The following CMSS1 variants were observed in gnomAD, a reference collection of about 807,000 sequenced individuals.
CMSS1 encodes the protein protein CMSS1.
CMSS1 carries 33 observed loss-of-function variants against 43.5 expected under a neutral mutation model. The observed-to-expected ratio is 0.76, with a 90% CI of 0.57 to 1.01. The LOEUF is 1.01. Among genes scored for constraint, CMSS1 ranks in the 50% least tolerant of loss-of-function variants. The pLI, the probability that CMSS1 is intolerant of heterozygous loss-of-function variation, is 0.00. For missense variants in CMSS1, 313 were observed against 326.4 expected, an observed-to-expected ratio of 0.96 and a Z score of 0.32; for synonymous variants, 115 against 117.2, an observed-to-expected ratio of 0.98 and a Z score of 0.12.
At chr3:99,904,170 C>G (rs924086501) in intron 1 of CMSS1, among the ~76,000 whole-genome samples, 3 of 152,292 alleles carry the variant, frequency 2.0e-5, no homozygotes, top group South Asian at 4.1e-4. Context: ...TATTATTGCT[C>G]TTAATGATAA....
At chr3:100,013,060 A>C (rs760820207) in intron 1 of CMSS1, among the ~76,000 whole-genome samples, 91 of 152,126 alleles carry the variant, frequency 6.0e-4, no homozygotes, top group Non-Finnish European at 4.7e-4. Flanking sequence ...TTTTGTTTGG[A>C]GAGACAGGGT....
intron 1 of CMSS1, among the ~76,000 whole-genome samples, chr3:99,910,900 G>C (rs957976858): frequency 2.0e-5 from 3 of 152,158 alleles, no homozygotes; most frequent in Non-Finnish European, 4.4e-5. Context: ...TATTCTCTAA[G>C]TAAGGTTAGC....
intron 1 of CMSS1, among the ~76,000 whole-genome samples, chr3:100,020,483 T>G (rs899232795): frequency 6.6e-6 from 1 of 152,164 alleles, no homozygotes; most frequent in Non-Finnish European, 1.5e-5. Flanking sequence ...TCATTTAGGC[T>G]CTAATCGTTT....
intron 1 of CMSS1, chr3:99,848,996 G>A (rs772525600): frequency 1.7e-5 from 27 of 1,613,988 alleles, no homozygotes; most frequent in Non-Finnish European, 2.3e-5. Flanking sequence ...GTGTGGCTTA[G>A]GACTAGATCT....
intron 1 of CMSS1, among the ~76,000 whole-genome samples, chr3:100,022,710 T>C (rs1315932008): frequency 6.6e-6 from 1 of 152,228 alleles, no homozygotes; most frequent in African/African-American, 2.4e-5. Flanking sequence ...TAAGGTTCTT[T>C]TTCTTCAGCA....
chr3:99,869,508 G>A (rs980525693), intron 1 of CMSS1, among the ~76,000 whole-genome samples: 8 of 152,180 alleles, frequency 5.3e-5, no homozygotes, highest in African/African-American at 1.7e-4. Context: ...ATTCCACAGA[G>A]TAATTCACTT....
chr3:99,999,397 G>A (rs1013606066), intron 1 of CMSS1, among the ~76,000 whole-genome samples: 1 of 152,194 alleles, frequency 6.6e-6, no homozygotes, highest in East Asian at 1.9e-4. Context: ...AATAGTAGTT[G>A]TATTTTGGAT....
intron 1 of CMSS1, among the ~76,000 whole-genome samples, chr3:99,935,157 T>C (rs1246161521): frequency 6.6e-6 from 1 of 152,164 alleles, no homozygotes; most frequent in African/African-American, 2.4e-5. Context: ...AGTGACTTCA[T>C]TGTTTCTCTT....
chr3:100,058,074 A>G lies in CMSS1; in HGVS notation c.65-88899A>G, dbSNP rs2065496157. The stretch of plus-strand genomic sequence containing the variant: ...TCCCAGGCAATATGCACAATTTTTT[A>G]TTTTCTTTTTGCAGTTGAGGAAACT... On this transcript the variant is annotated intron_variant, in intron 1 of 9. Transcript: ENST00000421999. 2.0e-5 allele frequency among the ~76,000 whole-genome samples: 3 copies of G among 151,934 alleles called. 1 individual carries two copies. Among genetic ancestry groups the G allele is most frequent in the Admixed American group, 2.0e-4 (3 of 15,256 alleles).
intron 1 of CMSS1, among the ~76,000 whole-genome samples, chr3:100,070,442 TAAATA>T: frequency 6.6e-6 from 1 of 152,102 alleles, no homozygotes; most frequent in Non-Finnish European, 1.5e-5. Context: ...ACTTGAATAT[TAAATA>T]ATGTTGATTT....
At chr3:100,037,939 C>CTTTTT (rs150366639) in intron 1 of CMSS1, among the ~76,000 whole-genome samples, 8 of 118,184 alleles carry the variant, frequency 6.8e-5, no homozygotes, top group Non-Finnish European at 1.0e-4. Flanking sequence ...AATCGCTTTT[C>CTTTTT]TTTTTTTTTT....
chr3:100,169,804 A>G (rs1576120247), intron 6 of CMSS1, among the ~76,000 whole-genome samples: 1 of 152,358 alleles, frequency 6.6e-6, no homozygotes, highest in Non-Finnish European at 1.5e-5. Context: ...TTTAAAAACT[A>G]CCTCATTTCA....
chr3:99,883,781 G>A (rs746901390), intron 1 of CMSS1, among the ~76,000 whole-genome samples: 6 of 152,238 alleles, frequency 3.9e-5, no homozygotes, highest in East Asian at 1.9e-4. Context: ...GACACTACAC[G>A]CTTTACAAAT....
At chr3:99,987,542 A>G (rs1311788293) in intron 1 of CMSS1, among the ~76,000 whole-genome samples, 1 of 151,658 alleles carries the variant, frequency 6.6e-6, no homozygotes, top group African/African-American at 2.4e-5. Flanking sequence ...AAAAAAAAAA[A>G]AAAAGAAAGA....
At chr3:99,835,709 G>A (rs1243662010) in intron 1 of CMSS1, among the ~76,000 whole-genome samples, 1 of 152,188 alleles carries the variant, frequency 6.6e-6, no homozygotes, top group Non-Finnish European at 1.5e-5. Flanking sequence ...ATAAATGATA[G>A]CTGATTCTTG....
chr3:100,092,325 G>T (rs1045721438), intron 1 of CMSS1, among the ~76,000 whole-genome samples: 1 of 152,008 alleles, frequency 6.6e-6, no homozygotes, highest in Admixed American at 6.6e-5. Flanking sequence ...TAGATTTCCC[G>T]TCATAGCATA....
At chr3:100,008,257 A>G (rs1445329289) in intron 1 of CMSS1, among the ~76,000 whole-genome samples, 1 of 152,158 alleles carries the variant, frequency 6.6e-6, no homozygotes, top group Non-Finnish European at 1.5e-5. Flanking sequence ...CCTGCTTCCC[A>G]ATTAGATTCC....
chr3:100,051,682 G>A (rs1433437642), intron 1 of CMSS1, among the ~76,000 whole-genome samples: 2 of 151,702 alleles, frequency 1.3e-5, no homozygotes, highest in Non-Finnish European at 2.9e-5. Context: ...CAAAGGACAT[G>A]AACTCATCCT....
At chr3:99,882,604 A>C (rs192249827) in intron 1 of CMSS1, among the ~76,000 whole-genome samples, 1 of 152,236 alleles carries the variant, frequency 6.6e-6, no homozygotes, top group Non-Finnish European at 1.5e-5. Context: ...AATAGATGAG[A>C]TAACTGGAGC....
Sources: gnomAD v4.1 joint callset for allele counts (sites outside exome capture counted in the v4.1 genomes callset) on GRCh38, gnomAD v4.1.1 for gene constraint, MANE v1.5 for transcripts, NCBI Gene and HGNC (gene_info 2026-07-23, HGNC 2026-07-21) for gene names.